The following GRID1 variants were observed in gnomAD, a reference collection of about 807,000 sequenced individuals.
GRID1 encodes the protein glutamate ionotropic receptor delta type subunit 1.
In GRID1, 28 loss-of-function variants were observed where a neutral mutation model predicts 98.0. That is an observed-to-expected ratio of 0.29 (90% CI 0.21 to 0.39). The LOEUF is 0.39. GRID1 is among the 10% of genes least tolerant of loss of function. The pLI, the probability that GRID1 is intolerant of heterozygous loss-of-function variation, is 1.00. For missense variants in GRID1, 1,111 were observed against 1,340.5 expected (o/e 0.83, Z 2.67); for synonymous variants, 553 against 538.5 (o/e 1.03, Z -0.37).
rs779659096 is a variant in GRID1, at chr10:86,206,376, C to T, written c.508G>A (p.Asp170Asn). 14 of 1,603,212 alleles carry T rather than the reference C, an allele frequency of 8.7e-6. No homozygotes were observed. Among genetic ancestry groups the T allele is most frequent in the Middle Eastern group, 3.3e-4 (2 of 6,050 alleles). ...LRWQKFVMFY[D>N]SEYDIRGLQS... ...CCGGACAACTCACCATACTCGCTGT[C>T]GTAGAACATGACGAACTTCTGCCAG... is the stretch of plus-strand genomic sequence containing the variant. The change falls in exon 3 of 16, where the codon GAC (aspartate) becomes AAC (asparagine). Residue 170 changes from aspartate (D) to asparagine (N), a missense_variant. Transcript: ENST00000327946. This position sits in a 1 kb window ranked among gnomAD's most constrained non-coding sequence, Gnocchi z 4.1.
At chr10:85,972,292 A>G (rs1842418607) in intron 4 of GRID1, among the ~76,000 whole-genome samples, 1 of 151,388 alleles carries the variant, frequency 6.6e-6, no homozygotes, top group East Asian at 1.9e-4. Context: ...CACATTTTTT[A>G]ATCTAATGTT....
intron 2 of GRID1, among the ~76,000 whole-genome samples, chr10:86,271,139 CAA>C (rs756356352): frequency 6.6e-6 from 1 of 152,158 alleles, no homozygotes; most frequent in Non-Finnish European, 1.5e-5. Context: ...AAGAATCATC[CAA>C]AAGATTTGAA....
chr10:85,661,511 A>G (rs1840965143), intron 12 of GRID1, among the ~76,000 whole-genome samples: 1 of 152,180 alleles, frequency 6.6e-6, no homozygotes, highest in African/African-American at 2.4e-5. Flanking sequence ...CTCACAGAGA[A>G]CAGACCTCTA....
intron 5 of GRID1, among the ~76,000 whole-genome samples, chr10:85,913,528 G>A (rs1430020352): frequency 4.6e-5 from 7 of 152,208 alleles, no homozygotes; most frequent in South Asian, 4.1e-4. Context: ...GGTGGCTCAC[G>A]CCTGTATCCC....
chr10:86,103,035 A>C (rs1844322073), intron 4 of GRID1, among the ~76,000 whole-genome samples: 1 of 152,154 alleles, frequency 6.6e-6, no homozygotes. Context: ...CATGATTGTG[A>C]GGCCTCCCTA....
chr10:85,769,124 A>G (rs189346571), intron 8 of GRID1, among the ~76,000 whole-genome samples: 2 of 152,386 alleles, frequency 1.3e-5, no homozygotes, highest in East Asian at 3.9e-4. Flanking sequence ...CTGAACTAAT[A>G]TGAAAATAAC....
chr10:85,915,225 CACAA>C (rs1841596903), intron 5 of GRID1, among the ~76,000 whole-genome samples: 1 of 152,134 alleles, frequency 6.6e-6, no homozygotes, highest in Non-Finnish European at 1.5e-5. Context: ...CGCATGCACA[CACAA>C]ACACACATGC....
At chr10:85,803,355 A>C (rs868042546) in intron 8 of GRID1, among the ~76,000 whole-genome samples, 30 of 152,088 alleles carry the variant, frequency 2.0e-4, no homozygotes, top group African/African-American at 6.0e-4. Context: ...AAATATATAC[A>C]CCTATTATGT....
chr10:85,785,452 A>T (rs2132731918), intron 8 of GRID1, among the ~76,000 whole-genome samples: 1 of 152,340 alleles, frequency 6.6e-6, no homozygotes, highest in East Asian at 1.9e-4. Flanking sequence ...GGGGACTAGG[A>T]AGGGGCTTCC....
Position 86,114,496 on chromosome 10 carries a change from C to T in GRID1, c.726+24323G>A, listed in dbSNP as rs143167548. Among the ~76,000 whole-genome samples the T allele has an allele frequency of 1.1e-3, 171 of 152,240 alleles. 1 individual carries two copies. In the Middle Eastern group the frequency reaches 0.017, roughly 15 times the overall value. ...GCTCAGGAAGGTCACATTATTTGTCCAAGTCCTACAGCGGGTCTGGGAGAT... is the reference window on the plus strand; with the variant it reads ...GCTCAGGAAGGTCACATTATTTGTCTAAGTCCTACAGCGGGTCTGGGAGAT... On this transcript the variant is annotated intron_variant, in intron 4 of 15. Transcript: ENST00000327946.
chr10:85,987,325 C>T (rs1363880746), intron 4 of GRID1, among the ~76,000 whole-genome samples: 1 of 151,542 alleles, frequency 6.6e-6, no homozygotes, highest in East Asian at 2.0e-4. Context: ...CCACCTCCCA[C>T]TCTCACTTCT....
At chr10:85,951,847 A>G (rs1301972447) in intron 4 of GRID1, among the ~76,000 whole-genome samples, 1 of 152,182 alleles carries the variant, frequency 6.6e-6, no homozygotes, top group Non-Finnish European at 1.5e-5. Context: ...CCCATGGCCA[A>G]TGCTGCTGGA....
In GRID1 at chr10:86,194,227, G is replaced by A. The variant is rs189259839; in HGVS notation, c.520+12137C>T. ...TAGAAGTACTTAGAGATACATGCAT[G>A]AGGATGTATCCACGGCTGCGCACTA... On this transcript the variant is annotated intron_variant, in intron 3 of 15. Coordinates refer to ENST00000327946, the MANE Select transcript of GRID1 (RefSeq NM_017551.3). 1.2e-3 allele frequency among the ~76,000 whole-genome samples: 188 copies of A among 152,214 alleles called. 1 individual carries two copies. Among genetic ancestry groups the A allele is most frequent in the African/African-American group, 4.3e-3 (177 of 41,550 alleles).
intron 2 of GRID1, among the ~76,000 whole-genome samples, chr10:86,363,648 G>A (rs74149547): frequency 0.3 from 45,015 of 151,512 alleles, 9,624 homozygotes; most frequent in African/African-American, 0.59. Context: ...ACGCCTGCGC[G>A]GCCAGCGCTG....
chr10:86,067,547 T>C (rs1843738396), intron 4 of GRID1, among the ~76,000 whole-genome samples: 1 of 152,210 alleles, frequency 6.6e-6, no homozygotes, highest in Non-Finnish European at 1.5e-5. Flanking sequence ...TTTTTAAAAC[T>C]CTTGGGATAA....
At chr10:85,981,475 C>T (rs1173217033) in intron 4 of GRID1, among the ~76,000 whole-genome samples, 1 of 152,154 alleles carries the variant, frequency 6.6e-6, no homozygotes, top group Non-Finnish European at 1.5e-5. Context: ...TGATGGGAGC[C>T]CAGCAGCCAC....
chr10:85,714,780 G>T (rs1357557295), intron 12 of GRID1, among the ~76,000 whole-genome samples: 1 of 152,044 alleles, frequency 6.6e-6, no homozygotes, highest in Non-Finnish European at 1.5e-5. Context: ...TATATTCATG[G>T]ATTGGAAAAA....
At chr10:85,629,653 T>C (rs1842953595) in intron 13 of GRID1, among the ~76,000 whole-genome samples, 2 of 152,252 alleles carry the variant, frequency 1.3e-5, no homozygotes, top group Non-Finnish European at 1.5e-5. Flanking sequence ...TGATTTCATA[T>C]CTTTGCTATT....
chr10:85,766,235 C>T (rs1407736358), intron 8 of GRID1, among the ~76,000 whole-genome samples: 1 of 152,244 alleles, frequency 6.6e-6, no homozygotes, highest in African/African-American at 2.4e-5. Context: ...CCTATAATCC[C>T]AGCACTTTGA....
Sources: gnomAD v4.1 joint callset for allele counts (sites outside exome capture counted in the v4.1 genomes callset) on GRCh38, gnomAD v4.1.1 for gene constraint, Gnocchi (gnomAD v3.1) non-coding constraint, MANE v1.5 for transcripts, NCBI Gene and HGNC (gene_info 2026-07-23, HGNC 2026-07-21) for gene names.